The following PPP6R2 variants were observed in gnomAD, a reference collection of about 807,000 sequenced individuals.
PPP6R2 encodes protein phosphatase 6 regulatory subunit 2.
Under a neutral mutation model 100.2 loss-of-function variants are expected in PPP6R2, and 62 were observed. The ratio of observed to expected loss-of-function variants is 0.62; its 90% CI spans 0.50 to 0.76. The LOEUF is 0.76. Among genes scored for constraint, PPP6R2 ranks in the 30% least tolerant of loss-of-function variants. The probability of loss-of-function intolerance (pLI) is 0.00; values close to 1 mark genes in which losing one functional copy is unlikely to be tolerated. For missense variants in PPP6R2, 1,142 were observed against 1,276.3 expected, an observed-to-expected ratio of 0.89 and a Z score of 1.60; for synonymous variants, 525 against 514.7, an observed-to-expected ratio of 1.02 and a Z score of -0.27.
chr22:50,422,519 C>G lies in PPP6R2; in HGVS notation c.972+139C>G, dbSNP rs1330260906. On this transcript the variant is annotated intron_variant, in intron 9 of 23. Transcript: ENST00000612753. ...GTTCTAAGACGGCCATTCCCACACC[C>G]CCACTTGAGAAGCACCGGGCAGGTG... is the stretch of plus-strand genomic sequence containing the variant. 31 of 1,191,132 alleles carry G rather than the reference C, an allele frequency of 2.6e-5. No homozygotes were observed. In the Admixed American group the frequency reaches 5.3e-4, roughly 20 times the overall value. The allele number at this position is 1,191,132 out of a possible 1,614,324, so 73.8% of individuals were successfully genotyped here.
Position 50,423,931 on chromosome 22 carries a change from A to G in PPP6R2, c.1125+317A>G, listed in dbSNP as rs529946727. Among the ~76,000 whole-genome samples the G allele has an allele frequency of 6.6e-6, 1 of 152,374 alleles. No homozygotes were observed. Among genetic ancestry groups the G allele is most frequent in the East Asian group, 1.9e-4 (1 of 5,184 alleles). ...CTCCTTTCTCATGTTCTGACTGAAC[A>G]ACATAGAACTTACACGGTGGTTATT... is the stretch of plus-strand genomic sequence containing the variant. On this transcript the variant is annotated intron_variant, in intron 10 of 23. Transcript: ENST00000612753. This position sits in a 1 kb window ranked among gnomAD's most constrained non-coding sequence, Gnocchi z 4.8.
chr22:50,438,047 C>T, intron 17 of PPP6R2, 127 bp from the exon 18 acceptor site: 1 of 1,493,016 alleles, frequency 6.7e-7, no homozygotes, highest in Non-Finnish European at 9.1e-7. Context: ...CCTTGCCCCT[C>T]CCCGTCCTCC....
rs750893804 is a variant in PPP6R2 at position 50,422,362 on chromosome 22, C to T, written c.954C>T (p.Leu318=). The part of the protein sequence containing the change: ...IEPRLKDFHQ[L]LLNPPKKKAI... ...CTCGGCTGAAGGACTTCCACCAGCT[C>T]CTGCTCAACCCGCCCAAGGTAAATG... Residue 318 remains leucine (L), a synonymous_variant, in exon 9 of 24, where the codon CTC becomes CTT. Coordinates refer to ENST00000612753, the MANE Select transcript of PPP6R2 (RefSeq NM_001242898.2). 1.2e-6 allele frequency: 2 copies of T among 1,614,066 alleles called. No individual in the cohort carries two copies. The highest frequency in any genetic ancestry group is 1.1e-5 in the South Asian group (1 of 91,054).
chr22:50,418,834 C>T (rs748640954), intron 6 of PPP6R2, 33 bp from the exon 7 acceptor site: 6 of 1,545,934 alleles, frequency 3.9e-6, no homozygotes, highest in Non-Finnish European at 5.4e-6. Flanking sequence ...CTTCTCCACA[C>T]TGAGGGACTC....
chr22:50,376,835 G>A (rs940431423), intron 2 of PPP6R2, among the ~76,000 whole-genome samples: 10 of 152,106 alleles, frequency 6.6e-5, no homozygotes, highest in Non-Finnish European at 5.9e-5. Context: ...GTCAGGAGAT[G>A]GAGACCATGG....
At chr22:50,368,709 G>T (rs1408999421) in intron 1 of PPP6R2, among the ~76,000 whole-genome samples, 6 of 151,980 alleles carry the variant, frequency 3.9e-5, no homozygotes, top group Admixed American at 2.6e-4. Context: ...ACCCAGGCTG[G>T]AGTGCAGTGG....
rs60747916 is a variant in PPP6R2, at chr22:50,414,704, C to T, written c.552+15C>T. The T allele has an allele frequency of 1.6e-5, 10 of 637,250 alleles. No homozygotes were observed. Among genetic ancestry groups the T allele is most frequent in the Middle Eastern group, 5.4e-4 (1 of 1,856 alleles). 39.5% of individuals were successfully genotyped at this position (637,250 alleles called of 1,614,324 possible). A position where few individuals can be genotyped will look rare whatever the true frequency, so the allele number is the denominator to read the frequency against. The stretch of plus-strand genomic sequence containing the variant: ...ACGTCCTGCACGTGAGTGCGGGAGT[C>T]CCCCCCCGTTCCCGAGGGCAGGGGT... On this transcript the variant is annotated intron_variant, in intron 5 of 23. Transcript: ENST00000612753.
rs1288795353 is a variant in PPP6R2, at chr22:50,423,201, C to T, written c.973-261C>T. ...ATCTCACCCGCTGAGGTGCACGGCT[C>T]TCTGGCCCTGCAGGCTCAGACTGGA... On this transcript the variant is annotated intron_variant, in intron 9 of 23. Coordinates refer to ENST00000612753, the MANE Select transcript of PPP6R2 (RefSeq NM_001242898.2). This position sits in a 1 kb window ranked among gnomAD's most constrained non-coding sequence, Gnocchi z 4.8. Among the ~76,000 whole-genome samples, 3 of 152,204 alleles carry T rather than the reference C, an allele frequency of 2.0e-5. No individual in the cohort carries two copies. Among genetic ancestry groups the T allele is most frequent in the African/African-American group, 7.2e-5 (3 of 41,444 alleles).
chr22:50,366,660 G>GCA (rs1343441439), intron 1 of PPP6R2, among the ~76,000 whole-genome samples: 6 of 152,134 alleles, frequency 3.9e-5, no homozygotes, highest in African/African-American at 1.4e-4. Flanking sequence ...TTACACACAT[G>GCA]CACTGATCAG....
chr22:50,431,530 C>T lies in PPP6R2; in HGVS notation c.1335+148C>T, dbSNP rs760546968. 4.4e-5 allele frequency: 31 copies of T among 703,204 alleles called. No homozygotes were observed. Among genetic ancestry groups the T allele is most frequent in the Non-Finnish European group, 6.8e-5 (29 of 427,642 alleles). The allele number at this position is 703,204 out of a possible 1,614,324, so 43.6% of individuals were successfully genotyped here. ...GGGTCCCCAGGTGTCTGGTCAGACG[C>T]TCGTAGACAGTGGGGCTTGAGTGGG... On this transcript the variant is annotated intron_variant, in intron 11 of 23. Transcript: ENST00000612753. This position sits in a 1 kb window ranked among gnomAD's most constrained non-coding sequence, Gnocchi z 4.8.
At chr22:50,425,375 A>G (rs1188888033) in intron 10 of PPP6R2, among the ~76,000 whole-genome samples, 2 of 152,214 alleles carry the variant, frequency 1.3e-5, no homozygotes, top group Non-Finnish European at 2.9e-5. Context: ...GGTGGGCCAC[A>G]TTCTGTCCAT....
At chr22:50,396,467 C>T (rs1260601773) in intron 3 of PPP6R2, among the ~76,000 whole-genome samples, 2 of 150,472 alleles carry the variant, frequency 1.3e-5, no homozygotes, top group Admixed American at 6.6e-5. Context: ...TGCACTCCAG[C>T]CTGGGCGACA....
intron 22 of PPP6R2, chr22:50,443,481 G>A (rs116764216): frequency 8.0e-4 from 151 of 187,736 alleles, no homozygotes; most frequent in African/African-American, 3.3e-3. Context: ...TTAGATGCCC[G>A]GCAGGGTCCT....
intron 2 of PPP6R2, among the ~76,000 whole-genome samples, chr22:50,374,279 G>A (rs2050950288): frequency 6.6e-6 from 1 of 152,216 alleles, no homozygotes; most frequent in Middle Eastern, 3.4e-3. Context: ...AGGTTGCAGC[G>A]AGACAAGATC....
the PPP6R2 span, among the ~76,000 whole-genome samples, chr22:50,338,237 G>A: frequency 1.5e-5 from 2 of 133,242 alleles, no homozygotes; most frequent in African/African-American, 3.2e-5. Context: ...GTGTGTGTGT[G>A]TGGTGTGTTT....
rs1357609473 is a variant in PPP6R2, at chr22:50,436,593, C to T, written c.1602+141C>T. On this transcript the variant is annotated intron_variant, in intron 14 of 23. Coordinates refer to ENST00000612753, the MANE Select transcript of PPP6R2 (RefSeq NM_001242898.2). ...CTGCTCCTCTTGACTATGCGGTGCC[C>T]CTGCATAGTGTGTCCTCCGGGCTGA... is the stretch of plus-strand genomic sequence containing the variant. 5 of 798,608 alleles carry T rather than the reference C, an allele frequency of 6.3e-6. No homozygotes were observed. The East Asian group carries it at 8.1e-5, about 13-fold the overall frequency. The allele number at this position is 798,608 out of a possible 1,614,324, so 49.5% of individuals were successfully genotyped here.
chr22:50,341,937 G>C (rs1191103288), upstream of PPP6R2, among the ~76,000 whole-genome samples: 2 of 151,916 alleles, frequency 1.3e-5, no homozygotes, highest in African/African-American at 4.8e-5. Context: ...AGCTTGCAGT[G>C]AGCCGAGATC....
At chr22:50,370,567 G>C (rs145422594) in intron 1 of PPP6R2, among the ~76,000 whole-genome samples, 31 of 152,034 alleles carry the variant, frequency 2.0e-4, no homozygotes, top group African/African-American at 6.5e-4. Flanking sequence ...GATTACAGGC[G>C]TGAGCCACCA....
In PPP6R2 at chr22:50,436,969, C is replaced by T. The variant is rs1312263604; in HGVS notation, c.1603-19C>T. The T allele has an allele frequency of 1.9e-6, 3 of 1,549,898 alleles. No individual in the cohort carries two copies. The highest frequency in any genetic ancestry group is 2.6e-6 in the Non-Finnish European group (3 of 1,145,688). On this transcript the variant is annotated intron_variant, in intron 14 of 23. Coordinates refer to ENST00000612753, the MANE Select transcript of PPP6R2 (RefSeq NM_001242898.2). The stretch of plus-strand genomic sequence containing the variant: ...GCTGGGCTGGCTCACACGCCCACCC[C>T]ATCTGGCCTGTGTTTTAGGTGAGCA...
Sources: gnomAD v4.1 joint callset for allele counts (sites outside exome capture counted in the v4.1 genomes callset) on GRCh38, gnomAD v4.1.1 for gene constraint, Gnocchi (gnomAD v3.1) non-coding constraint, MANE v1.5 for transcripts, NCBI Gene and HGNC (gene_info 2026-07-23, HGNC 2026-07-21) for gene names.